Variants in CABIN1 observed in about 807,000 individuals in gnomAD.
CABIN1 encodes calcineurin-binding protein cabin-1.
In CABIN1, 133 loss-of-function variants were observed where a neutral mutation model predicts 227.7. The ratio of observed to expected loss-of-function variants is 0.58; its 90% CI spans 0.51 to 0.67. The LOEUF (loss-of-function observed/expected upper bound fraction) is 0.67. Ranked by LOEUF, CABIN1 falls within the 30% of genes least tolerant of loss-of-function variation. The pLI, the probability that CABIN1 is intolerant of heterozygous loss-of-function variation, is 0.00. For missense variants in CABIN1, 2,408 were observed against 2,852.5 expected (o/e 0.84, Z 3.55); for synonymous variants, 1,086 against 1,155.1 (o/e 0.94, Z 1.21).
rs371956176 is a variant in CABIN1 at position 24,063,983 on chromosome 22, A to G, written c.1885-52A>G. 654 of 1,611,704 alleles carry G rather than the reference A, an allele frequency of 4.1e-4. 1 individual carries two copies. The highest frequency in any genetic ancestry group is 5.0e-4 in the Non-Finnish European group (593 of 1,178,812). On this transcript the variant is annotated intron_variant, in intron 14 of 36. Coordinates refer to ENST00000263119, the MANE Select transcript of CABIN1 (RefSeq NM_012295.4). ...ATAAGTGGTGTAAAGCATCTGGCAC[A>G]TCATAGTCAGTCTTCTGCTTTGGTT...
At chr22:24,170,992 A>G (rs933810547) in intron 33 of CABIN1, among the ~76,000 whole-genome samples, 1 of 152,086 alleles carries the variant, frequency 6.6e-6, no homozygotes, top group East Asian at 1.9e-4. Flanking sequence ...GAGCCTTCAC[A>G]CCTGTCCCAG....
At chr22:24,150,874 C>T (rs982210501) in intron 29 of CABIN1, among the ~76,000 whole-genome samples, 10 of 152,204 alleles carry the variant, frequency 6.6e-5, no homozygotes, top group Non-Finnish European at 1.0e-4. Flanking sequence ...CCCATTCCCT[C>T]ACATAAGGGG....
intron 28 of CABIN1, among the ~76,000 whole-genome samples, 174 bp downstream of exon 28, chr22:24,119,872 A>C (rs1172181484): frequency 1.3e-5 from 2 of 152,224 alleles, no homozygotes; most frequent in African/African-American, 4.8e-5. Context: ...CCAGCTTGCC[A>C]GGGAACCTGG....
At chr22:24,093,058 T>C (rs1326510447) in intron 24 of CABIN1, among the ~76,000 whole-genome samples, 1 of 152,160 alleles carries the variant, frequency 6.6e-6, no homozygotes, top group African/African-American at 2.4e-5. Flanking sequence ...TGCATGTCTT[T>C]GTACTTGAAG....
At chr22:24,155,971 TGCCCC>T (rs947414959) in intron 29 of CABIN1, 1 of 537,542 alleles carries the variant, frequency 1.9e-6, no homozygotes, top group Admixed American at 4.0e-5. Context: ...CGGCCGCGCC[TGCCCC>T]GCCCCGGCCC....
intron 1 of CABIN1, among the ~76,000 whole-genome samples, chr22:24,015,132 G>A (rs1404075435): frequency 6.6e-6 from 1 of 151,610 alleles, no homozygotes; most frequent in African/African-American, 2.4e-5. Context: ...CGGGTGTGGT[G>A]GTGGGCACCT....
chr22:24,055,205 T>C (rs1217497553), intron 9 of CABIN1, 46 bp downstream of exon 9: 1 of 1,597,276 alleles, frequency 6.3e-7, no homozygotes, highest in South Asian at 1.1e-5. Flanking sequence ...CCCCGTTCAC[T>C]GAGCCCAGCA....
intron 27 of CABIN1, among the ~76,000 whole-genome samples, chr22:24,117,788 G>A (rs1217521890): frequency 2.0e-5 from 3 of 152,164 alleles, no homozygotes; most frequent in African/African-American, 4.8e-5. Context: ...GATGTGAACC[G>A]CTGAGAGGCC....
intron 23 of CABIN1, among the ~76,000 whole-genome samples, chr22:24,088,214 G>T (rs1319389934): frequency 6.6e-6 from 1 of 152,142 alleles, no homozygotes. Context: ...GACATGTTTA[G>T]GCTAGTGCAG....
At chr22:24,069,294 C>G (rs927241109) in intron 16 of CABIN1, among the ~76,000 whole-genome samples, 7 of 152,110 alleles carry the variant, frequency 4.6e-5, no homozygotes, top group African/African-American at 1.4e-4. Flanking sequence ...TATAGAAACC[C>G]TATTGATTTT....
intron 7 of CABIN1, among the ~76,000 whole-genome samples, chr22:24,049,565 T>C (rs2038163010): frequency 6.6e-6 from 1 of 152,224 alleles, no homozygotes; most frequent in Non-Finnish European, 1.5e-5. Flanking sequence ...TTCTCAGTGC[T>C]GCCCGAGTTC....
Position 24,164,390 on chromosome 22 carries a change from C to T in CABIN1, c.4747-10C>T. 6.2e-7 allele frequency: 1 copy of T among 1,601,812 alleles called. No individual in the cohort carries two copies. Among genetic ancestry groups the T allele is most frequent in the Non-Finnish European group, 8.5e-7 (1 of 1,179,936 alleles). On this transcript the variant is annotated splice_polypyrimidine_tract_variant and intron_variant, in intron 29 of 36. Coordinates refer to ENST00000263119, the MANE Select transcript of CABIN1 (RefSeq NM_012295.4). The stretch of plus-strand genomic sequence containing the variant: ...ACCCCCCTCACACACCTGTGCCATC[C>T]ATCCCACAGGGCATCTGGCGGATCC...
At chr22:24,145,688 A>G (rs1043603162) in intron 29 of CABIN1, among the ~76,000 whole-genome samples, 2 of 152,148 alleles carry the variant, frequency 1.3e-5, no homozygotes, top group Admixed American at 6.5e-5. Flanking sequence ...CTGTCCTCCA[A>G]TGGACAGGGC....
At chr22:24,017,474 C>G (rs1474752380) in intron 1 of CABIN1, among the ~76,000 whole-genome samples, 1 of 152,186 alleles carries the variant, frequency 6.6e-6, no homozygotes, top group African/African-American at 2.4e-5. Context: ...ATCCATTAAA[C>G]AGGAATTCCC....
At position 24,155,921 on chromosome 22, in the gene CABIN1, G is replaced by A. The variant is rs550657454; in HGVS notation, c.4747-8479G>A. 1.4e-4 allele frequency: 70 copies of A among 498,636 alleles called. No homozygotes were observed. The South Asian group carries it at 1.7e-3, about 12-fold the overall frequency. 30.9% of individuals were successfully genotyped at this position (498,636 alleles called of 1,614,324 possible). A position where few individuals can be genotyped will look rare whatever the true frequency, so the allele number is the denominator to read the frequency against. The stretch of plus-strand genomic sequence containing the variant: ...GGATTGGCCGGCAAAAGTCAGTTGC[G>A]CTCCTGGGCCCGCTTCCAGTAGAGT... On this transcript the variant is annotated intron_variant, in intron 29 of 36. Transcript: ENST00000263119.
rs1292663174 is a variant in CABIN1, at chr22:24,177,975, C to A, written c.6520-78C>A. 1.2e-6 allele frequency: 2 copies of A among 1,600,070 alleles called. No homozygotes were observed. Among genetic ancestry groups the A allele is most frequent in the Non-Finnish European group, 1.7e-6 (2 of 1,174,540 alleles). ...GTGAGGGTGGGAGGGGGGCCTGGGG[C>A]AGGGGTGAAGGTGGCAGAGGGGCTT... On this transcript the variant is annotated intron_variant, in intron 36 of 36. Coordinates refer to ENST00000263119, the MANE Select transcript of CABIN1 (RefSeq NM_012295.4). The surrounding 1 kb of genome is among the most constrained non-coding windows in gnomAD (Gnocchi z 4.4).
At chr22:24,135,280 C>G (rs1040379411) in intron 29 of CABIN1, among the ~76,000 whole-genome samples, 28 of 151,976 alleles carry the variant, frequency 1.8e-4, no homozygotes, top group Admixed American at 1.7e-3. Flanking sequence ...ATCCCAGCTA[C>G]TCAGGAAGCT....
chr22:24,095,193 G>A (rs1306690584), intron 24 of CABIN1, among the ~76,000 whole-genome samples: 1 of 152,238 alleles, frequency 6.6e-6, no homozygotes, highest in African/African-American at 2.4e-5. Context: ...GCCTGCAATG[G>A]CAGTTCTCAG....
intron 29 of CABIN1, among the ~76,000 whole-genome samples, chr22:24,155,313 G>C (rs994180809): frequency 1.3e-5 from 2 of 152,076 alleles, no homozygotes; most frequent in Non-Finnish European, 2.9e-5. Context: ...CTTCCAGGCC[G>C]GAGAGCGACC....
Sources: gnomAD v4.1 joint callset for allele counts (sites outside exome capture counted in the v4.1 genomes callset) on GRCh38, gnomAD v4.1.1 for gene constraint, Gnocchi (gnomAD v3.1) non-coding constraint, MANE v1.5 for transcripts, NCBI Gene and HGNC (gene_info 2026-07-23, HGNC 2026-07-21) for gene names.